The following DACH2 variants were observed in gnomAD, a reference collection of about 807,000 sequenced individuals.
DACH2 encodes dachshund family transcription factor 2.
A neutral mutation model predicts 35.8 loss-of-function variants in DACH2; 17 were observed. That is an observed-to-expected ratio of 0.48 (90% CI 0.33 to 0.71). DACH2 has a LOEUF of 0.71. Ranked by LOEUF, DACH2 falls within the 30% of genes least tolerant of loss-of-function variation. The probability of loss-of-function intolerance (pLI) is 0.02; values close to 1 mark genes in which losing one functional copy is unlikely to be tolerated. For missense variants in DACH2, 469 were observed against 472.7 expected (o/e 0.99, Z 0.07); for synonymous variants, 195 against 177.3 (o/e 1.10, Z -0.79).
intron 2 of DACH2, among the ~76,000 whole-genome samples, chrX:86,513,967 G>A (rs763147345): frequency 1.8e-5 from 2 of 111,463 alleles, no homozygotes; most frequent in South Asian, 3.8e-4. Flanking sequence ...CAGATCAAGC[G>A]TAGCTTTAAA....
At chrX:86,634,877 G>C (rs1002671097) in intron 3 of DACH2, among the ~76,000 whole-genome samples, 2 of 111,377 alleles carry the variant, frequency 1.8e-5, no homozygotes, top group African/African-American at 6.5e-5. Context: ...GCAATCTACA[G>C]ATTCCCTGCA....
intron 7 of DACH2, among the ~76,000 whole-genome samples, chrX:86,777,990 T>C (rs1400230279): frequency 8.9e-6 from 1 of 111,833 alleles, no homozygotes; most frequent in Non-Finnish European, 1.9e-5. Context: ...CATCAAATAG[T>C]CATTAAGCAT....
intron 2 of DACH2, among the ~76,000 whole-genome samples, chrX:86,450,513 A>G (rs1183166980): frequency 5.4e-5 from 6 of 111,555 alleles, no homozygotes; most frequent in Middle Eastern, 9.2e-3. Context: ...TGCTATTGTG[A>G]ATAGTGCTGC....
At chrX:86,300,017 T>C (rs1398087977) in intron 1 of DACH2, among the ~76,000 whole-genome samples, 1 of 111,844 alleles carries the variant, frequency 8.9e-6, no homozygotes, top group Non-Finnish European at 1.9e-5. Context: ...ATGTTGAGTG[T>C]TTAGCATTTC....
intron 1 of DACH2, among the ~76,000 whole-genome samples, chrX:86,214,144 C>G (rs750813824): frequency 4.5e-4 from 50 of 111,227 alleles, no homozygotes; most frequent in African/African-American, 1.6e-3. Flanking sequence ...TGATAGCCTT[C>G]TAAGTGTTTC....
At chrX:86,539,642 C>A (rs2038853579) in intron 3 of DACH2, among the ~76,000 whole-genome samples, 1 of 111,585 alleles carries the variant, frequency 9.0e-6, no homozygotes, top group Non-Finnish European at 1.9e-5. Context: ...AATGAGTGAA[C>A]ACATTTAAAT....
chrX:86,398,348 T>C (rs1462285325), intron 2 of DACH2, among the ~76,000 whole-genome samples: 100 of 98,161 alleles, frequency 1.0e-3, no homozygotes, highest in Admixed American at 1.7e-3. Context: ...AGCTCCTGGA[T>C]TCATTGATTT....
At chrX:86,529,599 A>G (rs1319829754) in intron 3 of DACH2, among the ~76,000 whole-genome samples, 1 of 108,831 alleles carries the variant, frequency 9.2e-6, no homozygotes, top group Non-Finnish European at 1.9e-5. Flanking sequence ...CAGCCTCCTG[A>G]GTAGCTGGGA....
intron 2 of DACH2, among the ~76,000 whole-genome samples, chrX:86,499,669 C>T (rs9779951): frequency 9.0e-6 from 1 of 111,238 alleles, no homozygotes; most frequent in African/African-American, 3.3e-5. Context: ...ACGTGTTTTT[C>T]ATAGTTAAAT....
intron 1 of DACH2, among the ~76,000 whole-genome samples, chrX:86,358,513 G>T (rs1256347723): frequency 9.3e-6 from 1 of 107,864 alleles, no homozygotes; most frequent in Non-Finnish European, 1.9e-5. Context: ...CAATTATGGA[G>T]TGATGGCAAT....
rs1367287122 is a variant in DACH2 at position 86,403,521 on chromosome X, A to G, written c.527+26659A>G. Among the ~76,000 whole-genome samples, 4 of 112,136 alleles carry G rather than the reference A, an allele frequency of 3.6e-5. No homozygotes were observed. The East Asian group carries it at 1.1e-3, about 31-fold the overall frequency. On this transcript the variant is annotated intron_variant, in intron 2 of 11. Transcript: ENST00000373125. ...GGCTATTACTAAAGTGTCAAAAACA[A>G]AAGAAAACAAAACAAAACAGAAATA...
intron 1 of DACH2, among the ~76,000 whole-genome samples, chrX:86,369,196 G>T (rs749739669): frequency 2.7e-5 from 3 of 110,843 alleles, no homozygotes; most frequent in South Asian, 7.5e-4. Context: ...TGCTTTGAAA[G>T]ATAATAATTT....
At chrX:86,596,374 G>A (rs974891460) in intron 3 of DACH2, among the ~76,000 whole-genome samples, 4 of 110,679 alleles carry the variant, frequency 3.6e-5, no homozygotes, top group Non-Finnish European at 3.8e-5. Context: ...ATTTCTCCAC[G>A]TCTTTTCAAA....
intron 2 of DACH2, among the ~76,000 whole-genome samples, chrX:86,463,404 G>A: frequency 9.1e-6 from 1 of 110,363 alleles, no homozygotes; most frequent in Non-Finnish European, 1.9e-5. Context: ...CAACAAACCT[G>A]ACAAAAACAA....
At chrX:86,626,493 C>T (rs2040139181) in intron 3 of DACH2, among the ~76,000 whole-genome samples, 1 of 112,653 alleles carries the variant, frequency 8.9e-6, no homozygotes, top group Non-Finnish European at 1.9e-5. Context: ...TTCCACTGGG[C>T]AGTGCACTGG....
intron 2 of DACH2, among the ~76,000 whole-genome samples, chrX:86,469,171 G>A (rs1021297380): frequency 9.0e-5 from 10 of 110,831 alleles, no homozygotes; most frequent in African/African-American, 2.6e-4. Context: ...ATAAAATCAC[G>A]GAGTAAAATG....
intron 7 of DACH2, among the ~76,000 whole-genome samples, chrX:86,768,528 G>A (rs1383491669): frequency 8.1e-5 from 9 of 111,672 alleles, no homozygotes; most frequent in East Asian, 5.6e-4. Context: ...GCGATTCATG[G>A]ATTTTTTTGT....
intron 3 of DACH2, among the ~76,000 whole-genome samples, chrX:86,582,973 TAACA>T (rs2039521867): frequency 1.8e-5 from 2 of 110,977 alleles, no homozygotes; most frequent in Non-Finnish European, 3.8e-5. Flanking sequence ...AACAAAATAC[TAACA>T]AACCGAATTC....
chrX:86,411,665 A>G (rs1189367969), intron 2 of DACH2, among the ~76,000 whole-genome samples: 1 of 111,946 alleles, frequency 8.9e-6, no homozygotes, highest in Non-Finnish European at 1.9e-5. Flanking sequence ...AATGAAATAA[A>G]ATAAAGACAT....
Sources: allele counts gnomAD v4.1 joint callset (sites outside exome capture counted in the v4.1 genomes callset), GRCh38; gene constraint gnomAD v4.1.1; transcripts MANE v1.5; gene names NCBI Gene and HGNC (gene_info 2026-07-23, HGNC 2026-07-21).